The following KIF23 variants were observed in gnomAD, a reference collection of about 807,000 sequenced individuals.
KIF23 encodes the protein kinesin family member 23, also known as kinesin-like protein KIF23.
A neutral mutation model predicts 137.5 loss-of-function variants in KIF23; 30 were observed. The ratio of observed to expected loss-of-function variants is 0.22; its 90% CI spans 0.16 to 0.30. The LOEUF (loss-of-function observed/expected upper bound fraction) is 0.30. Among genes scored for constraint, KIF23 ranks in the 10% least tolerant of loss-of-function variants. The pLI is 1.00. For missense variants in KIF23, 920 were observed against 1,194.3 expected, an observed-to-expected ratio of 0.77 and a Z score of 3.38; for synonymous variants, 367 against 391.1, an observed-to-expected ratio of 0.94 and a Z score of 0.73.
chr15:69,435,755 A>T lies in KIF23; in HGVS notation c.1298A>T (p.Asp433Val). The T allele has an allele frequency of 6.2e-7, 1 of 1,613,992 alleles. No homozygotes were observed. Among genetic ancestry groups the T allele is most frequent in the Non-Finnish European group, 8.5e-7 (1 of 1,179,998 alleles). Residue 433 changes from aspartate (D) to valine (V), a missense_variant, in exon 13 of 24, where the codon GAT becomes GTT. By Grantham distance (152) the Asp-to-Val change is radical. Transcript: ENST00000679126. ...MIVCVNPKAEDYEENLQVMRF... is the reference protein window; with the variant it reads ...MIVCVNPKAEVYEENLQVMRF... ...GTGTGTGTGAACCCCAAGGCTGAAGATTATGAAGAAAACTTGGTAATTTTA... is the reference window on the plus strand; with the variant it reads ...GTGTGTGTGAACCCCAAGGCTGAAGTTTATGAAGAAAACTTGGTAATTTTA...
At chr15:69,436,870 T>G in intron 15 of KIF23, 148 bp downstream of exon 15, 1 of 476,658 alleles carries the variant, frequency 2.1e-6, no homozygotes, top group Non-Finnish European at 3.5e-6. Flanking sequence ...TTCTCCTGCC[T>G]TAGTCTCCCG....
rs2057063007 is a variant in KIF23 at position 69,421,754 on chromosome 15, TATG to T, written c.316+5_316+7del. The T allele has an allele frequency of 6.3e-7, 1 of 1,592,898 alleles. No individual in the cohort carries two copies. Among genetic ancestry groups the T allele is most frequent in the Non-Finnish European group, 8.6e-7 (1 of 1,160,980 alleles). ...ATGACCTCATTCATGGCAAAAATGGTATGATATGACTCTTGGAGTTTTGTTAGA... is the reference window on the plus strand; with the variant it reads ...ATGACCTCATTCATGGCAAAAATGGTATATGACTCTTGGAGTTTTGTTAGA... On this transcript the variant is annotated splice_donor_5th_base_variant and intron_variant, in intron 4 of 23. Transcript: ENST00000679126.
At chr15:69,428,810 T>A (rs947993372) in intron 10 of KIF23, among the ~76,000 whole-genome samples, 10 of 152,066 alleles carry the variant, frequency 6.6e-5, no homozygotes, top group African/African-American at 2.4e-4. Context: ...TACTCAGTGG[T>A]AGGCACTGTG....
chr15:69,426,427 C>T lies in KIF23; in HGVS notation c.981C>T (p.Pro327=), dbSNP rs760599858. ...TCAACATTAAATTAGTTCAGGCTCC[C>T]TTGGATGCAGATGGAGACAATGTCT... ...SVFNIKLVQA[P]LDADGDNVLQ... The change falls in exon 10 of 24, where the codon CCC becomes CCT. Residue 327 remains proline (P), a synonymous_variant. Transcript: ENST00000679126. 1.2e-6 allele frequency: 2 copies of T among 1,614,074 alleles called. No homozygotes were observed. Among genetic ancestry groups the T allele is most frequent in the South Asian group, 1.1e-5 (1 of 91,084 alleles).
intron 6 of KIF23, chr15:69,422,878 G>A: frequency 3.2e-6 from 1 of 313,082 alleles, no homozygotes; most frequent in Non-Finnish European, 5.9e-6. Context: ...TCGGCTCACT[G>A]CAACCTCTGC....
chr15:69,422,313 G>A lies in KIF23; in HGVS notation c.454-13G>A. 7.8e-7 allele frequency: 1 copy of A among 1,281,960 alleles called. No homozygotes were observed. The highest frequency in any genetic ancestry group is 1.1e-6 in the Non-Finnish European group (1 of 928,686). 79.4% of individuals were successfully genotyped at this position (1,281,960 alleles called of 1,614,324 possible). On this transcript the variant is annotated splice_polypyrimidine_tract_variant and intron_variant, in intron 5 of 23. Transcript: ENST00000679126. ...AACGTGGTGTGATTTTTTTTTTTTTGCCCCCACTTCAGGTTTTCAAATCTA... is the reference window on the plus strand; with the variant it reads ...AACGTGGTGTGATTTTTTTTTTTTTACCCCCACTTCAGGTTTTCAAATCTA...
rs149220100 is a variant in KIF23, at chr15:69,435,999, C to T, written c.1315-139C>T. ...CTGGGAGGTCGAAGCTGCAGTGAGT[C>T]GTGTTCATGCCACTGCACTCCAGCC... is the stretch of plus-strand genomic sequence containing the variant. On this transcript the variant is annotated intron_variant, in intron 13 of 23. Transcript: ENST00000679126. 1,126 of 1,200,624 alleles carry T rather than the reference C, an allele frequency of 9.4e-4. 7 individuals are homozygous for T. The East Asian group carries it at 0.024, about 25-fold the overall frequency. 74.4% of individuals were successfully genotyped at this position (1,200,624 alleles called of 1,614,324 possible). A position where few individuals can be genotyped will look rare whatever the true frequency, so the allele number is the denominator to read the frequency against.
intron 11 of KIF23, chr15:69,434,999 G>A (rs1011987390): frequency 7.2e-5 from 44 of 609,936 alleles, no homozygotes; most frequent in Non-Finnish European, 1.0e-4. Context: ...GAAACAGCAC[G>A]GACTCGCTCA....
intron 11 of KIF23, chr15:69,434,737 C>G: frequency 1.5e-6 from 2 of 1,291,832 alleles, no homozygotes; most frequent in East Asian, 2.4e-5. Flanking sequence ...TCCTTGGGCA[C>G]GAACGCGCTG....
At chr15:69,436,467 G>A in intron 14 of KIF23, 97 bp from the exon 15 acceptor site, 1 of 1,192,292 alleles carries the variant, frequency 8.4e-7, no homozygotes, top group African/African-American at 1.5e-5. Context: ...AAATTGCAAT[G>A]GTTAGTTGCA....
In KIF23 at chr15:69,415,916, G is replaced by A; in HGVS notation, c.12-78G>A. ...AATTTACAGATAACCTAGAAAGATT[G>A]TATAAGTTTTAGGTGAGGCTTTTGT... On this transcript the variant is annotated intron_variant, in intron 1 of 23. Coordinates refer to ENST00000679126, the MANE Select transcript of KIF23 (RefSeq NM_001367805.3). 4 of 1,004,878 alleles carry A rather than the reference G, an allele frequency of 4.0e-6. No individual in the cohort carries two copies. In the South Asian group the frequency reaches 5.2e-5, roughly 13 times the overall value. The allele number at this position is 1,004,878 out of a possible 1,614,324, so 62.2% of individuals were successfully genotyped here. A position where few individuals can be genotyped will look rare whatever the true frequency, so the allele number is the denominator to read the frequency against.
chr15:69,425,473 T>C (rs2057166719), intron 8 of KIF23, 150 bp downstream of exon 8: 1 of 677,088 alleles, frequency 1.5e-6, no homozygotes, highest in Non-Finnish European at 2.5e-6. Context: ...AAAAATCTGC[T>C]ATTGACTATC....
intron 6 of KIF23, 48 bp downstream of exon 6, chr15:69,422,483 C>A: frequency 9.3e-7 from 1 of 1,079,088 alleles, no homozygotes; most frequent in South Asian, 1.3e-5. Context: ...GCACAGGATT[C>A]TTTCCTGTGG....
intron 11 of KIF23, chr15:69,434,714 A>G: frequency 7.1e-7 from 1 of 1,401,604 alleles, no homozygotes. Context: ...GATTGGGAGG[A>G]TCAGGGATCT....
intron 11 of KIF23, among the ~76,000 whole-genome samples, chr15:69,431,607 C>G (rs2057357191): frequency 1.1e-5 from 1 of 91,108 alleles, no homozygotes; most frequent in Admixed American, 1.2e-4. Context: ...GAGCGAGACT[C>G]CGTCTCAAAA....
rs1358731317 is a variant in KIF23 at position 69,440,094 on chromosome 15, T to C, written c.1929+17T>C. ...AAAGAATGTGTGAGTATCGTTTGGG[T>C]AGTGCTTGTCTCAGAGTCGGATGAT... On this transcript the variant is annotated intron_variant, in intron 17 of 23. Transcript: ENST00000679126. The C allele has an allele frequency of 4.4e-6, 7 of 1,608,326 alleles. No individual in the cohort carries two copies. In the South Asian group the frequency reaches 6.6e-5, roughly 15 times the overall value.
chr15:69,435,036 G>T (rs1279322937), intron 11 of KIF23: 3 of 569,190 alleles, frequency 5.3e-6, no homozygotes, highest in South Asian at 2.4e-5. Flanking sequence ...TCCCTGGTGT[G>T]GTCCCCATAG....
At chr15:69,420,563 T>G (rs941309205) in intron 3 of KIF23, among the ~76,000 whole-genome samples, 9 of 152,232 alleles carry the variant, frequency 5.9e-5, no homozygotes, top group Non-Finnish European at 1.0e-4. Context: ...AGGTCACAAT[T>G]TATTTAAAAT....
intron 11 of KIF23, chr15:69,435,013 C>T: frequency 1.7e-6 from 1 of 595,948 alleles, no homozygotes; most frequent in South Asian, 2.2e-5. Flanking sequence ...TCGCTCAACA[C>T]CGCGTTGGCA....
Sources: allele counts gnomAD v4.1 joint callset (sites outside exome capture counted in the v4.1 genomes callset), GRCh38; gene constraint gnomAD v4.1.1; transcripts MANE v1.5; gene names NCBI Gene and HGNC (gene_info 2026-07-23, HGNC 2026-07-21).